NFIA: variants seen among roughly 807,000 people sequenced by gnomAD.
NFIA encodes nuclear factor 1 A-type.
A neutral mutation model predicts 62.8 loss-of-function variants in NFIA; 8 were observed. The ratio of observed to expected loss-of-function variants is 0.13; its 90% CI spans 0.07 to 0.23. NFIA has a LOEUF of 0.23. Ranked by LOEUF, NFIA falls within the 10% of genes least tolerant of loss-of-function variation. NFIA has a pLI of 1.00. For missense variants in NFIA, 410 were observed against 642.1 expected (o/e 0.64, Z 3.91); for synonymous variants, 235 against 238.1 (o/e 0.99, Z 0.12).
chr1:61,096,693 C>T (rs1317196714), intron 2 of NFIA, among the ~76,000 whole-genome samples: 2 of 151,600 alleles, frequency 1.3e-5, no homozygotes, highest in African/African-American at 2.4e-5. Context: ...GCTGGGATTA[C>T]AGGCTCCCAC....
intron 2 of NFIA, among the ~76,000 whole-genome samples, chr1:61,218,568 A>T (rs1350740214): frequency 1.3e-5 from 2 of 152,228 alleles, no homozygotes; most frequent in Non-Finnish European, 1.5e-5. Flanking sequence ...AAAAGAAGAA[A>T]ATAAAATCAC....
At chr1:61,216,966 C>T (rs1653667924) in intron 2 of NFIA, among the ~76,000 whole-genome samples, 1 of 151,784 alleles carries the variant, frequency 6.6e-6, no homozygotes, top group African/African-American at 2.4e-5. Context: ...CGCCATTGCA[C>T]TCCAGCCTGG....
chr1:61,271,671 C>T (rs180859863), intron 2 of NFIA, among the ~76,000 whole-genome samples: 27 of 152,272 alleles, frequency 1.8e-4, no homozygotes, highest in African/African-American at 6.0e-4. Flanking sequence ...AGGACCAATG[C>T]GTGCAAACTA....
chr1:61,360,228 CA>C (rs1261517098), intron 6 of NFIA, among the ~76,000 whole-genome samples: 22 of 152,288 alleles, frequency 1.4e-4, no homozygotes, highest in Admixed American at 1.4e-3. Flanking sequence ...AGTCTGATTG[CA>C]AAAACTATTT....
intron 4 of NFIA, among the ~76,000 whole-genome samples, chr1:61,347,366 A>G (rs1662292397): frequency 6.6e-6 from 1 of 151,204 alleles, no homozygotes; most frequent in Admixed American, 6.6e-5. Flanking sequence ...GCAGAGATGG[A>G]GTTTCACCGT....
chr1:61,132,202 A>T (rs1387960880), intron 2 of NFIA, among the ~76,000 whole-genome samples: 1 of 152,172 alleles, frequency 6.6e-6, no homozygotes, highest in African/African-American at 2.4e-5. Flanking sequence ...CAGAAAAGTT[A>T]TCTGAGAGAT....
At chr1:61,444,092 A>G (rs1033817717) in intron 10 of NFIA, among the ~76,000 whole-genome samples, 1 of 152,202 alleles carries the variant, frequency 6.6e-6, no homozygotes, top group African/African-American at 2.4e-5. Flanking sequence ...CAGAAAAACC[A>G]TTTAAGCAAA....
chr1:61,359,225 C>A lies in NFIA; in HGVS notation c.897C>A (p.Arg299=), dbSNP rs1246446308. ...AGCCATTTTATACAGGCCAAGGGCG[C>A]TCCCCAGGAAGTGGCAGTCAGTCAA... ...GEEPFYTGQG[R]SPGSGSQSSG... Residue 299 remains arginine (R), a synonymous_variant, in exon 6 of 11, where the codon CGC becomes CGA. Transcript: ENST00000403491. 3 of 1,612,890 alleles carry A rather than the reference C, an allele frequency of 1.9e-6. No individual in the cohort carries two copies. The East Asian group carries it at 6.7e-5, about 36-fold the overall frequency.
chr1:61,250,950 T>G (rs939491105), intron 2 of NFIA: 6 of 152,190 alleles, frequency 3.9e-5, no homozygotes, highest in African/African-American at 1.4e-4. Context: ...TTTCTTACTG[T>G]TTTGTTTTTC....
intron 10 of NFIA, among the ~76,000 whole-genome samples, chr1:61,436,887 C>A (rs938184139): frequency 6.6e-6 from 1 of 152,210 alleles, no homozygotes. Context: ...ACTTTCCAAA[C>A]GCTTTACACA....
At chr1:61,205,041 G>A (rs149652333) in intron 2 of NFIA, among the ~76,000 whole-genome samples, 42 of 152,230 alleles carry the variant, frequency 2.8e-4, no homozygotes, top group African/African-American at 9.4e-4. Flanking sequence ...AAAGCCCATT[G>A]CCAATTATAA....
chr1:61,255,966 G>C (rs965395868), intron 2 of NFIA, among the ~76,000 whole-genome samples: 15 of 152,142 alleles, frequency 9.9e-5, no homozygotes, highest in African/African-American at 3.6e-4. Flanking sequence ...AGCTCACTAG[G>C]AAGTATTTCT....
chr1:61,277,235 T>C (rs1657857042), intron 2 of NFIA, among the ~76,000 whole-genome samples: 1 of 152,206 alleles, frequency 6.6e-6, no homozygotes, highest in Admixed American at 6.5e-5. Flanking sequence ...AAATGGTCTC[T>C]CTAAGAGAAT....
chr1:61,346,384 A>G (rs1662229022), intron 4 of NFIA, among the ~76,000 whole-genome samples: 1 of 152,238 alleles, frequency 6.6e-6, no homozygotes, highest in Admixed American at 6.5e-5. Context: ...GACATTGGAC[A>G]AATCATTTAA....
intron 6 of NFIA, among the ~76,000 whole-genome samples, chr1:61,381,124 C>G (rs1664391409): frequency 6.6e-6 from 1 of 151,228 alleles, no homozygotes; most frequent in African/African-American, 2.4e-5. Context: ...AATCTGCCAC[C>G]TTTAAAGTTT....
chr1:61,406,562 C>A lies in NFIA; in HGVS notation c.1255C>A (p.Pro419Thr). The change falls in exon 9 of 11, where the codon CCC becomes ACC. Residue 419 changes from proline (P) to threonine (T), a missense_variant and splice_region_variant. Pro to Thr is a conservative substitution (Grantham distance 38). Transcript: ENST00000403491. ...QQAGQVGFLN[P>T]NGSSQGKVHN... ...TTTTCTGCCCCCCCCCCCCCCACAGCCCAATGGGAGCAGCCAAGGCAAGGT... is the reference window on the plus strand; with the variant it reads ...TTTTCTGCCCCCCCCCCCCCCACAGACCAATGGGAGCAGCCAAGGCAAGGT... 1 of 1,498,336 alleles carries A rather than the reference C, an allele frequency of 6.7e-7. No homozygotes were observed. Among genetic ancestry groups the A allele is most frequent in the Non-Finnish European group, 9.0e-7 (1 of 1,112,624 alleles). 92.8% of individuals were successfully genotyped at this position (1,498,336 alleles called of 1,614,324 possible).
intron 3 of NFIA, among the ~76,000 whole-genome samples, chr1:61,328,395 T>G (rs1661079340): frequency 6.6e-6 from 1 of 150,440 alleles, no homozygotes; most frequent in South Asian, 2.1e-4. Context: ...CTTTTGATAT[T>G]TTTCTCCTTC....
chr1:61,321,046 T>A (rs1660653264), intron 3 of NFIA, among the ~76,000 whole-genome samples: 1 of 152,192 alleles, frequency 6.6e-6, no homozygotes, highest in African/African-American at 2.4e-5. Context: ...AAGTTTGCTT[T>A]TTAAAAAACC....
intron 2 of NFIA, among the ~76,000 whole-genome samples, chr1:61,093,223 A>G (rs1646351343): frequency 6.6e-6 from 1 of 152,130 alleles, no homozygotes; most frequent in South Asian, 2.1e-4. Flanking sequence ...ACGTTTTTGT[A>G]ATTAAACTTT....
Sources: gnomAD v4.1 joint callset for allele counts (sites outside exome capture counted in the v4.1 genomes callset) on GRCh38, gnomAD v4.1.1 for gene constraint, MANE v1.5 for transcripts, NCBI Gene and HGNC (gene_info 2026-07-23, HGNC 2026-07-21) for gene names.